The following GGH variants were observed in gnomAD, a reference collection of about 807,000 sequenced individuals.
GGH encodes the protein gamma-Glu-X carboxypeptidase.
A neutral mutation model predicts 39.2 loss-of-function variants in GGH; 18 were observed. The observed-to-expected ratio is 0.46, with a 90% CI of 0.32 to 0.68. GGH has a LOEUF of 0.68. Ranked by LOEUF, GGH falls within the 30% of genes least tolerant of loss-of-function variation. The pLI is 0.04. For missense variants in GGH, 367 were observed against 384.1 expected, an observed-to-expected ratio of 0.96 and a Z score of 0.37; for synonymous variants, 147 against 138.8, an observed-to-expected ratio of 1.06 and a Z score of -0.42.
intron 4 of GGH, chr8:63,026,922 CAT>C: frequency 2.2e-6 from 1 of 450,066 alleles, no homozygotes; most frequent in South Asian, 2.9e-5. Context: ...GTCTACACTA[CAT>C]GAGGACACGG....
intron 2 of GGH, among the ~76,000 whole-genome samples, chr8:63,033,884 G>T (rs1419396662): frequency 6.6e-6 from 1 of 151,418 alleles, no homozygotes; most frequent in Non-Finnish European, 1.5e-5. Flanking sequence ...TTGGTTTTCT[G>T]TTTCTGCATT....
chr8:63,031,865 C>T (rs930602206), intron 2 of GGH, among the ~76,000 whole-genome samples: 2 of 152,120 alleles, frequency 1.3e-5, no homozygotes, highest in South Asian at 2.1e-4. Flanking sequence ...TTAACTGTAA[C>T]GAAATGGCTT....
At chr8:63,031,785 G>C (rs17194931) in intron 2 of GGH, among the ~76,000 whole-genome samples, 1 of 152,118 alleles carries the variant, frequency 6.6e-6, no homozygotes. Context: ...GCTGTTAGTT[G>C]CATGTTGTCA....
chr8:63,038,533 C>A, intron 1 of GGH, 127 bp downstream of exon 1: 1 of 490,744 alleles, frequency 2.0e-6, no homozygotes, highest in South Asian at 3.6e-5. Flanking sequence ...CCTCCTTGCA[C>A]CAAAAGCGAA....
intron 1 of GGH, among the ~76,000 whole-genome samples, 183 bp downstream of exon 1, chr8:63,038,477 A>C (rs1804952170): frequency 6.6e-6 from 1 of 152,278 alleles, no homozygotes; most frequent in Admixed American, 6.5e-5. Context: ...GAGGTACCTC[A>C]ACCAGGTACA....
intron 8 of GGH, chr8:63,017,236 A>C: frequency 2.7e-6 from 1 of 364,808 alleles, no homozygotes; most frequent in East Asian, 4.8e-5. Flanking sequence ...AACTCTCAAC[A>C]TTCTTCACAC....
chr8:63,016,320 T>C (rs1159428109), intron 8 of GGH, among the ~76,000 whole-genome samples: 4 of 145,646 alleles, frequency 2.7e-5, no homozygotes, highest in African/African-American at 7.7e-5. Context: ...TATGGGATAC[T>C]TTTTTTTTTT....
intron 3 of GGH, chr8:63,028,472 T>A (rs1804738128): frequency 6.6e-6 from 1 of 152,186 alleles, no homozygotes; most frequent in South Asian, 2.1e-4. Flanking sequence ...ACAAACTCCT[T>A]AAAGCATGGC....
At chr8:63,031,681 C>T (rs1204900495) in intron 2 of GGH, among the ~76,000 whole-genome samples, 1 of 152,146 alleles carries the variant, frequency 6.6e-6, no homozygotes, top group African/African-American at 2.4e-5. Flanking sequence ...TAGTTTTGGT[C>T]CCCATTTATC....
intron 3 of GGH, chr8:63,028,319 TTTTTTAA>T (rs1217466873): frequency 6.6e-6 from 1 of 152,152 alleles, no homozygotes; most frequent in Non-Finnish European, 1.5e-5. Context: ...CTCAGTATTT[TTTTTTAA>T]TTTTTATGTT....
Position 63,030,175 on chromosome 8 carries a change from A to G in GGH, c.267T>C (p.Ser89=). The G allele has an allele frequency of 7.1e-7, 1 of 1,404,386 alleles. No homozygotes were observed. Among genetic ancestry groups the G allele is most frequent in the Non-Finnish European group, 1.0e-6 (1 of 989,622 alleles). 87.0% of individuals were successfully genotyped at this position (1,404,386 alleles called of 1,614,324 possible). Residue 89 remains serine, a synonymous_variant, in exon 3 of 9, where the codon TCT becomes TCC. Coordinates refer to ENST00000260118, the MANE Select transcript of GGH (RefSeq NM_003878.3). The part of the protein sequence containing the change: ...TEKDYEILFK[S]INGILFPGGS... The stretch of plus-strand genomic sequence containing the variant: ...CAATGCTGCCAACTTACCCATTAAT[A>G]GATTTGAAAAGTATTTCATAGTCTT...
At chr8:63,020,631 G>A (rs1031552) in intron 7 of GGH, among the ~76,000 whole-genome samples, 18,948 of 152,188 alleles carry the variant, frequency 0.12, 1,385 homozygotes, top group East Asian at 0.34. Context: ...AAAGGAATAG[G>A]GGAAAGGGGG....
intron 7 of GGH, among the ~76,000 whole-genome samples, chr8:63,019,290 C>G (rs1804543568): frequency 6.6e-6 from 1 of 152,190 alleles, no homozygotes; most frequent in African/African-American, 2.4e-5. Context: ...AACCAACAGC[C>G]AATACCACAG....
chr8:63,038,620 G>A (rs764777758), intron 1 of GGH, 40 bp downstream of exon 1: 1 of 820,650 alleles, frequency 1.2e-6, no homozygotes, highest in African/African-American at 1.8e-5. Flanking sequence ...CCAACACCCA[G>A]CTCCTCCCCG....
rs1235984248 is a variant in GGH at position 63,017,521 on chromosome 8, A to G, written c.807T>C (p.Phe269=). 1.2e-6 allele frequency: 2 copies of G among 1,610,998 alleles called. No homozygotes were observed. The highest frequency in any genetic ancestry group is 1.7e-6 in the Non-Finnish European group (2 of 1,178,470). The stretch of plus-strand genomic sequence containing the variant: ...CATTAACAAAAAACTCTGCTAAATA[A>G]AATGCGGTTTTCACAGCATTAGGTG... ...SHAPNAVKTA[F]YLAEFFVNEA... Residue 269 remains phenylalanine, a synonymous_variant, in exon 8 of 9, where the codon TTT becomes TTC. Transcript: ENST00000260118.
In GGH at chr8:63,035,771, CTAA is replaced by C. The variant is rs761912749; in HGVS notation, c.110-4_110-2del. 1 of 1,602,500 alleles carries C rather than the reference CTAA, an allele frequency of 6.2e-7. No homozygotes were observed. Among genetic ancestry groups the C allele is most frequent in the South Asian group, 1.1e-5 (1 of 87,858 alleles). On this transcript the variant is annotated splice_acceptor_variant and splice_polypyrimidine_tract_variant and intron_variant, in intron 1 of 8. Transcript: ENST00000260118. LOFTEE classifies it high-confidence loss of function. ...TTACGGCATTTTTGCATTAATATTC[CTAA>C]TAACAAAAAAAAGTTTAGTTTCAAG...
At position 63,027,241 on chromosome 8, in the gene GGH, A is replaced by C. The variant is rs1804704163; in HGVS notation, c.300T>G (p.Val100=). ...TAGCATAATCTGAGCGTCTGAGGTC[A>C]ACACTTCCTCCAGGGAAAAGGATTC... is the stretch of plus-strand genomic sequence containing the variant. The part of the protein sequence containing the change: ...INGILFPGGS[V]DLRRSDYAKV... The change falls in exon 4 of 9, where the codon GTT becomes GTG. Residue 100 remains valine, a synonymous_variant. Coordinates refer to ENST00000260118, the MANE Select transcript of GGH (RefSeq NM_003878.3). 1.9e-6 allele frequency: 3 copies of C among 1,597,160 alleles called. No individual in the cohort carries two copies. The highest frequency in any genetic ancestry group is 1.7e-5 in the Admixed American group (1 of 59,952).
At chr8:63,029,881 C>A in intron 3 of GGH, 1 of 232,350 alleles carries the variant, frequency 4.3e-6, no homozygotes, top group Admixed American at 5.6e-5. Context: ...AGCTTCAAAA[C>A]ATTTAAGACA....
intron 2 of GGH, among the ~76,000 whole-genome samples, chr8:63,034,259 C>T (rs1227276572): frequency 6.6e-6 from 1 of 151,680 alleles, no homozygotes; most frequent in Non-Finnish European, 1.5e-5. Context: ...AGACTAATAT[C>T]AAAAGCAAAT....
Sources: gnomAD v4.1 joint callset for allele counts (sites outside exome capture counted in the v4.1 genomes callset) on GRCh38, gnomAD v4.1.1 for gene constraint, MANE v1.5 for transcripts, NCBI Gene and HGNC (gene_info 2026-07-23, HGNC 2026-07-21) for gene names.